CCNQ: variants seen among roughly 807,000 people sequenced by gnomAD.
The protein encoded by CCNQ is cyclin-Q.
A neutral mutation model predicts 17.7 loss-of-function variants in CCNQ; 3 were observed. That is an observed-to-expected ratio of 0.17 (90% CI 0.08 to 0.44). The LOEUF (loss-of-function observed/expected upper bound fraction) is 0.44, where lower values mean the gene tolerates loss of function less well. Among genes scored for constraint, CCNQ ranks in the 20% least tolerant of loss-of-function variants. The probability of loss-of-function intolerance (pLI) is 0.99; values close to 1 mark genes in which losing one functional copy is unlikely to be tolerated. For synonymous variants in CCNQ, 73 were observed against 96.0 expected (o/e 0.76, Z 1.40); for missense variants, 146 against 222.6 (o/e 0.66, Z 2.19).
intron 2 of CCNQ, among the ~76,000 whole-genome samples, chrX:153,595,153 T>G: frequency 8.8e-6 from 1 of 113,582 alleles, no homozygotes; most frequent in South Asian, 3.6e-4. Context: ...GGTCTTGCTC[T>G]GCCTTTCAGG....
chrX:153,597,142 C>T (rs1274405848), intron 1 of CCNQ, among the ~76,000 whole-genome samples: 1 of 111,547 alleles, frequency 9.0e-6, no homozygotes, highest in African/African-American at 3.3e-5. Context: ...CCAGGGTTCA[C>T]AAGACAAGGT....
At chrX:153,591,069 G>A (rs1405853799) in intron 4 of CCNQ, among the ~76,000 whole-genome samples, 2 of 112,010 alleles carry the variant, frequency 1.8e-5, no homozygotes, top group African/African-American at 3.2e-5. Flanking sequence ...AGGAGTCACC[G>A]TAAGAAGTGG....
intron 4 of CCNQ, among the ~76,000 whole-genome samples, chrX:153,589,653 C>G (rs2090977458): frequency 1.8e-5 from 2 of 112,404 alleles, no homozygotes. Flanking sequence ...CCTGGGGAAC[C>G]AATGTACCAA....
intron 3 of CCNQ, 53 bp downstream of exon 3, chrX:153,594,494 C>A: frequency 8.3e-7 from 1 of 1,198,677 alleles, no homozygotes; most frequent in Non-Finnish European, 1.1e-6. Context: ...GGATAAAGAA[C>A]AGAGACCATG....
chrX:153,588,177 C>T lies in CCNQ; in HGVS notation c.*188G>A, dbSNP rs1557024911. On this transcript the variant is annotated 3_prime_UTR_variant, in exon 5 of 5. Coordinates refer to ENST00000576892, the MANE Select transcript of CCNQ (RefSeq NM_152274.5). The stretch of plus-strand genomic sequence containing the variant: ...GCTGGAGGCGCGGCTCCCACCATCA[C>T]CTGCACCGCGACTTCTAGGGACTGG... 3 of 533,571 alleles carry T rather than the reference C, an allele frequency of 5.6e-6. No individual in the cohort carries two copies. The highest frequency in any genetic ancestry group is 1.0e-5 in the Non-Finnish European group (3 of 291,684). The allele number at this position is 533,571 out of a possible 1,213,427, so 44.0% of individuals were successfully genotyped here. A position where few individuals can be genotyped will look rare whatever the true frequency, so the allele number is the denominator to read the frequency against.
chrX:153,590,389 T>C (rs955376350), intron 4 of CCNQ, among the ~76,000 whole-genome samples: 3 of 110,689 alleles, frequency 2.7e-5, no homozygotes, highest in African/African-American at 3.3e-5. Flanking sequence ...GGCTCCAACA[T>C]TGTGCTCAGC....
At position 153,593,255 on chromosome X, in the gene CCNQ, T is replaced by C. The variant is rs1557026213; in HGVS notation, c.430-522A>G. On this transcript the variant is annotated intron_variant, in intron 3 of 4. Transcript: ENST00000576892. ...GACATTTTGCCAGAACCTCACACAA[T>C]AAGACAGATGCTGCGAGCTCTCTGG... is the stretch of plus-strand genomic sequence containing the variant. Among the ~76,000 whole-genome samples, 2 of 112,245 alleles carry C rather than the reference T, an allele frequency of 1.8e-5. 1 individual carries two copies. Among genetic ancestry groups the C allele is most frequent in the Admixed American group, 1.9e-4 (2 of 10,688 alleles).
intron 4 of CCNQ, among the ~76,000 whole-genome samples, chrX:153,591,378 G>A (rs1427050959): frequency 2.7e-5 from 3 of 112,330 alleles, no homozygotes; most frequent in Admixed American, 9.4e-5. Flanking sequence ...AGTCTGGGCC[G>A]CCAGCAAACA....
intron 4 of CCNQ, among the ~76,000 whole-genome samples, chrX:153,591,271 G>A (rs2090989488): frequency 8.9e-6 from 1 of 111,939 alleles, no homozygotes; most frequent in African/African-American, 3.3e-5. Flanking sequence ...GCAAAGGTCA[G>A]GTCAAGTTTA....
Position 153,594,553 on chromosome X carries a change from T to G in CCNQ, c.423A>C (p.Pro141=), listed in dbSNP as rs1025231159. 5.8e-6 allele frequency: 7 copies of G among 1,209,222 alleles called. No homozygotes were observed. Among genetic ancestry groups the G allele is most frequent in the African/African-American group, 5.2e-5 (3 of 57,307 alleles). The part of the protein sequence containing the change: ...VLRFQVSFQH[P]HKYLLHYLVS... ...CCAGTTCCCCAGTATGTACCTTGTG[T>G]GGATGCTGGAAGGAGACCTGGAAGC... Residue 141 remains proline (P), a synonymous_variant, in exon 3 of 5, where the codon CCA becomes CCC. Transcript: ENST00000576892.
At chrX:153,594,835 T>C (rs1333511910) in intron 2 of CCNQ, among the ~76,000 whole-genome samples, 156 bp from the exon 3 acceptor site, 1 of 112,783 alleles carries the variant, frequency 8.9e-6, no homozygotes, top group African/African-American at 3.2e-5. Context: ...ATACAAAAAT[T>C]CTTCATCTCC....
chrX:153,590,360 A>C (rs113089257), intron 4 of CCNQ, among the ~76,000 whole-genome samples: 15 of 110,901 alleles, frequency 1.4e-4, no homozygotes, highest in African/African-American at 4.9e-4. Flanking sequence ...CATCAAAAGA[A>C]AGGACATTCT....
chrX:153,594,513 C>A, intron 3 of CCNQ, 34 bp downstream of exon 3: 1 of 1,208,447 alleles, frequency 8.3e-7, no homozygotes, highest in South Asian at 1.8e-5. Context: ...TGGCTTGAGC[C>A]TCTCCAAACA....
intron 4 of CCNQ, among the ~76,000 whole-genome samples, chrX:153,590,865 T>C (rs782265779): frequency 5.5e-4 from 61 of 111,697 alleles, no homozygotes; most frequent in African/African-American, 2.0e-3. Flanking sequence ...CAGGTTCTCC[T>C]TCTGCTCAGG....
At chrX:153,592,403 G>A (rs1384802017) in intron 4 of CCNQ, 103 bp downstream of exon 4, 12 of 844,482 alleles carry the variant, frequency 1.4e-5, no homozygotes, top group East Asian at 3.4e-5. Flanking sequence ...CCAGCAGCCC[G>A]TATCTTTCTT....
chrX:153,592,633 C>G lies in CCNQ; in HGVS notation c.530G>C (p.Ser177Thr), dbSNP rs781948832. ...AVTAWALLRD[S>T]YHGALCLRFQ... ...GCGGAGGCACAGCGCCCCATGGTAG[C>G]TGTCCCGCAGCAGGGCCCAGGCGGT... Residue 177 changes from serine (S) to threonine (T), a missense_variant, in exon 4 of 5, where the codon AGC becomes ACC. Transcript: ENST00000576892. 8.3e-7 allele frequency: 1 copy of G among 1,210,061 alleles called. No individual in the cohort carries two copies. The highest frequency in any genetic ancestry group is 1.1e-6 in the Non-Finnish European group (1 of 894,821).
At chrX:153,596,949 G>C (rs782260222) in intron 1 of CCNQ, among the ~76,000 whole-genome samples, 1 of 112,181 alleles carries the variant, frequency 8.9e-6, no homozygotes, top group Non-Finnish European at 1.9e-5. Context: ...AGGCAACAGA[G>C]TGAGACCCTG....
intron 2 of CCNQ, among the ~76,000 whole-genome samples, chrX:153,595,510 C>A (rs1195948768): frequency 5.3e-5 from 6 of 113,624 alleles, no homozygotes; most frequent in Non-Finnish European, 1.1e-4. Context: ...GTCTTTCCCT[C>A]GCCTTGGCGA....
At chrX:153,591,883 C>T (rs988697528) in intron 4 of CCNQ, among the ~76,000 whole-genome samples, 14 of 108,249 alleles carry the variant, frequency 1.3e-4, no homozygotes, top group Non-Finnish European at 1.5e-4. Flanking sequence ...ACAATAAACA[C>T]GCAAAAATCA....
Sources: gnomAD v4.1 joint callset for allele counts (sites outside exome capture counted in the v4.1 genomes callset) on GRCh38, gnomAD v4.1.1 for gene constraint, MANE v1.5 for transcripts, NCBI Gene and HGNC (gene_info 2026-07-23, HGNC 2026-07-21) for gene names.